The following CSMD1 variants were observed in gnomAD, a reference collection of about 807,000 sequenced individuals.
CSMD1 encodes the protein CUB and sushi domain-containing protein 1.
Under a neutral mutation model 417.5 loss-of-function variants are expected in CSMD1, and 213 were observed. The ratio of observed to expected loss-of-function variants is 0.51; its 90% CI spans 0.46 to 0.57. The LOEUF (loss-of-function observed/expected upper bound fraction) is 0.57. CSMD1 is among the 20% of genes least tolerant of loss of function. The probability of loss-of-function intolerance (pLI) is 0.00; values close to 1 mark genes in which losing one functional copy is unlikely to be tolerated. For missense variants in CSMD1, 6,923 were observed against 4,529.7 expected (o/e 1.53, Z -15.17); for synonymous variants, 2,862 against 1,736.8 (o/e 1.65, Z -16.11).
intron 5 of CSMD1, among the ~76,000 whole-genome samples, chr8:3,977,057 G>C (rs565486875): frequency 4.5e-4 from 69 of 152,234 alleles, no homozygotes; most frequent in African/African-American, 1.6e-3. Context: ...ATCTTTTCTT[G>C]AATTTCTTTT....
chr8:4,860,873 C>T (rs560825533), intron 1 of CSMD1, among the ~76,000 whole-genome samples: 1 of 152,110 alleles, frequency 6.6e-6, no homozygotes, highest in Non-Finnish European at 1.5e-5. Flanking sequence ...ATCCCTGCTT[C>T]TCCTGCTAGA....
At chr8:3,865,794 G>A (rs973703721) in intron 5 of CSMD1, among the ~76,000 whole-genome samples, 2 of 152,034 alleles carry the variant, frequency 1.3e-5, no homozygotes, top group East Asian at 3.9e-4. Flanking sequence ...TAAAATAAGT[G>A]CCTCTTTTTT....
At chr8:4,647,822 G>C (rs1431400647) in intron 1 of CSMD1, among the ~76,000 whole-genome samples, 1 of 152,182 alleles carries the variant, frequency 6.6e-6, no homozygotes, top group Non-Finnish European at 1.5e-5. Context: ...ATCACTGATG[G>C]GCGTTTGGGT....
intron 3 of CSMD1, among the ~76,000 whole-genome samples, chr8:4,088,711 C>A (rs1224775556): frequency 6.6e-6 from 1 of 152,086 alleles, no homozygotes; most frequent in Non-Finnish European, 1.5e-5. Flanking sequence ...CTCCCCGACC[C>A]CAAAGCTCTG....
intron 2 of CSMD1, among the ~76,000 whole-genome samples, chr8:4,479,257 A>C (rs1461023667): frequency 1.3e-5 from 2 of 152,208 alleles, no homozygotes; most frequent in Non-Finnish European, 2.9e-5. Context: ...ATATTATCTC[A>C]GGAATAAATC....
chr8:3,503,835 C>CA (rs1158307532), intron 10 of CSMD1, among the ~76,000 whole-genome samples: 2 of 145,888 alleles, frequency 1.4e-5, no homozygotes, highest in East Asian at 4.2e-4. Context: ...CCCCCCTTGC[C>CA]CCCCCCCAAC....
rs374180848 is a variant in CSMD1 at position 4,982,769 on chromosome 8, T to C, written c.85+11563A>G. On this transcript the variant is annotated intron_variant, in intron 1 of 69. Transcript: ENST00000635120. ...ATAGATCATACCCCAAAGTTCGGCT[T>C]GGCTATACTTTTTATACTTTCAGTT... Among the ~76,000 whole-genome samples, 3 of 152,304 alleles carry C rather than the reference T, an allele frequency of 2.0e-5. No homozygotes were observed. The South Asian group carries it at 6.2e-4, about 32-fold the overall frequency.
chr8:4,576,384 C>T lies in CSMD1; in HGVS notation c.302+60958G>A, dbSNP rs1585274182. Among the ~76,000 whole-genome samples, 4 of 152,254 alleles carry T rather than the reference C, an allele frequency of 2.6e-5. No homozygotes were observed. The South Asian group carries it at 8.3e-4, about 31-fold the overall frequency. On this transcript the variant is annotated intron_variant, in intron 2 of 69. Coordinates refer to ENST00000635120, the MANE Select transcript of CSMD1 (RefSeq NM_033225.6). ...GTCAGAGGCATTTGGCCAAGACCTT[C>T]CCCTGTCCCATTCCCCAGACTAGAT...
At chr8:3,050,669 C>G (rs921490168) in intron 50 of CSMD1, among the ~76,000 whole-genome samples, 1 of 151,968 alleles carries the variant, frequency 6.6e-6, no homozygotes, top group Non-Finnish European at 1.5e-5. Flanking sequence ...CCAAGAAATA[C>G]TAATGTTGAT....
rs369363106 is a variant in CSMD1, at chr8:3,409,512, T to A, written c.1655A>T (p.Glu552Val). The change falls in exon 13 of 70, where the codon GAA (glutamate) becomes GTA (valine). Residue 552 changes from glutamate to valine, a missense_variant. Transcript: ENST00000635120. ...CACCAGCTCAAAGGCCGCCGGGCAT[T>A]CAAAGGTGAGTGTATCTCCATGGAG... is the stretch of plus-strand genomic sequence containing the variant. The part of the protein sequence containing the change: ...SFLHGDTLTF[E>V]CPAAFELVGE... 1 of 1,611,292 alleles carries A rather than the reference T, an allele frequency of 6.2e-7. No homozygotes were observed. Among genetic ancestry groups the A allele is most frequent in the Non-Finnish European group, 8.5e-7 (1 of 1,178,888 alleles).
At chr8:3,294,622 G>C (rs1316951936) in intron 25 of CSMD1, among the ~76,000 whole-genome samples, 1 of 152,190 alleles carries the variant, frequency 6.6e-6, no homozygotes, top group Non-Finnish European at 1.5e-5. Context: ...TCTGAGTCAT[G>C]CACGGGATAT....
chr8:3,296,460 T>G (rs749839966), intron 25 of CSMD1, among the ~76,000 whole-genome samples: 2 of 151,996 alleles, frequency 1.3e-5, no homozygotes, highest in Admixed American at 1.3e-4. Context: ...GTAGGCTGTT[T>G]TAAGGATGAT....
chr8:4,072,836 T>C (rs996440436), intron 3 of CSMD1, among the ~76,000 whole-genome samples: 11 of 152,208 alleles, frequency 7.2e-5, no homozygotes, highest in Non-Finnish European at 1.6e-4. Context: ...AAGCCGTCTT[T>C]TCCACTACAA....
chr8:3,037,221 T>G (rs1314154356), intron 50 of CSMD1, among the ~76,000 whole-genome samples: 1 of 148,386 alleles, frequency 6.7e-6, no homozygotes, highest in East Asian at 1.9e-4. Flanking sequence ...TTTTTGTTTT[T>G]TTGAGACGGA....
chr8:3,287,814 C>T (rs1400342433), intron 25 of CSMD1, among the ~76,000 whole-genome samples: 3 of 151,558 alleles, frequency 2.0e-5, no homozygotes, highest in African/African-American at 7.3e-5. Flanking sequence ...TGCCTGATTG[C>T]CCTGGCCAGA....
At chr8:3,590,819 T>A (rs777905224) in intron 8 of CSMD1, among the ~76,000 whole-genome samples, 5 of 152,162 alleles carry the variant, frequency 3.3e-5, no homozygotes, top group Non-Finnish European at 7.3e-5. Context: ...AAGACCCCAA[T>A]TCTAATTTAT....
intron 5 of CSMD1, among the ~76,000 whole-genome samples, chr8:3,984,305 G>C (rs1450763325): frequency 6.6e-6 from 1 of 152,128 alleles, no homozygotes; most frequent in Non-Finnish European, 1.5e-5. Flanking sequence ...CATGCACAGA[G>C]TTTACTGAGC....
At chr8:3,372,261 G>GA (rs1810004457) in intron 18 of CSMD1, among the ~76,000 whole-genome samples, 1 of 152,150 alleles carries the variant, frequency 6.6e-6, no homozygotes, top group Admixed American at 6.5e-5. Flanking sequence ...GTTAGGACCA[G>GA]GGCTCAAGCT....
chr8:4,687,321 A>G lies in CSMD1; in HGVS notation c.86-49763T>C, dbSNP rs367756369. 2.3e-3 allele frequency among the ~76,000 whole-genome samples: 351 copies of G among 152,352 alleles called. 15 individuals are homozygous for G. In the South Asian group the frequency reaches 0.057, roughly 25 times the overall value. ...GAGGATGATGTGTGAAGACAGATGC[A>G]TAGATGGAGAAGAGCCAGATCGAAC... On this transcript the variant is annotated intron_variant, in intron 1 of 69. Transcript: ENST00000635120.
Sources: allele counts gnomAD v4.1 joint callset (sites outside exome capture counted in the v4.1 genomes callset), GRCh38; gene constraint gnomAD v4.1.1; transcripts MANE v1.5; gene names NCBI Gene and HGNC (gene_info 2026-07-23, HGNC 2026-07-21).